The following P2RY6 variants were observed in gnomAD, a reference collection of about 807,000 sequenced individuals.
P2RY6 encodes pyrimidinergic receptor P2Y6.
A neutral mutation model predicts 16.3 loss-of-function variants in P2RY6; 19 were observed. The observed-to-expected ratio is 1.16, with a 90% CI of 0.81 to 1.71. The LOEUF (loss-of-function observed/expected upper bound fraction) is 1.71, where lower values mean the gene tolerates loss of function less well. Among genes scored for constraint, P2RY6 ranks in the 40% most tolerant of loss-of-function variants. The pLI is 0.00. For synonymous variants in P2RY6, 184 were observed against 201.5 expected (o/e 0.91, Z 0.74); for missense variants, 389 against 455.5 (o/e 0.85, Z 1.33).
intron 1 of P2RY6, among the ~76,000 whole-genome samples, chr11:73,288,275 T>G (rs903043593): frequency 6.6e-6 from 1 of 152,220 alleles, no homozygotes; most frequent in South Asian, 2.1e-4. Flanking sequence ...TCTTGGGAGA[T>G]GCAAGTTCCA....
chr11:73,266,933 G>A (rs1203705963), intron 1 of P2RY6, among the ~76,000 whole-genome samples: 3 of 152,156 alleles, frequency 2.0e-5, no homozygotes, highest in Non-Finnish European at 4.4e-5. Flanking sequence ...TGAGTGATAA[G>A]GCCAGCTGTC....
At chr11:73,287,490 G>A (rs958653336) in intron 1 of P2RY6, among the ~76,000 whole-genome samples, 10 of 152,212 alleles carry the variant, frequency 6.6e-5, no homozygotes, top group South Asian at 2.1e-4. Context: ...GGGCAGCGTC[G>A]TCATCATAAG....
intron 1 of P2RY6, among the ~76,000 whole-genome samples, chr11:73,294,951 T>C (rs2135758080): frequency 6.6e-6 from 1 of 152,302 alleles, no homozygotes; most frequent in South Asian, 2.1e-4. Context: ...CCTGAGCATC[T>C]GGATCAGAGT....
At chr11:73,295,304 T>C (rs1464820578) in intron 1 of P2RY6, among the ~76,000 whole-genome samples, 2 of 152,214 alleles carry the variant, frequency 1.3e-5, no homozygotes, top group Non-Finnish European at 2.9e-5. Context: ...CTGAATGTCA[T>C]CACCGCATAT....
At chr11:73,289,226 A>T (rs185419360) in intron 1 of P2RY6, among the ~76,000 whole-genome samples, 1 of 152,190 alleles carries the variant, frequency 6.6e-6, no homozygotes, top group Non-Finnish European at 1.5e-5. Context: ...AACTGACCCC[A>T]TGGTTGTCGC....
chr11:73,293,113 CA>C (rs1864335587), intron 1 of P2RY6, among the ~76,000 whole-genome samples: 1 of 152,124 alleles, frequency 6.6e-6, no homozygotes, highest in Admixed American at 6.5e-5. Flanking sequence ...AAGGAAGAAG[CA>C]AGGTGAGATC....
rs1344230742 is a variant in P2RY6 at position 73,296,592 on chromosome 11, A to G, written c.74A>G (p.Lys25Arg). 1.2e-6 allele frequency: 2 copies of G among 1,614,220 alleles called. No homozygotes were observed. The highest frequency in any genetic ancestry group is 1.7e-6 in the Non-Finnish European group (2 of 1,180,034). ...PTTCVYRENF[K>R]QLLLPPVYSA... is the part of the protein sequence containing the mutation. Reference sequence around the variant, plus strand: ...ACCTGTGTCTACCGCGAGAACTTCAAGCAACTGCTGCTGCCACCTGTGTAT... The same window carrying G: ...ACCTGTGTCTACCGCGAGAACTTCAGGCAACTGCTGCTGCCACCTGTGTAT... The change falls in exon 3 of 3, where the codon AAG becomes AGG. Residue 25 changes from lysine (K) to arginine (R), a missense_variant. Physicochemically the swap from Lys to Arg is conservative, Grantham distance 26. Transcript: ENST00000540124.
chr11:73,266,914 C>G (rs773762242), intron 1 of P2RY6, among the ~76,000 whole-genome samples: 6 of 152,158 alleles, frequency 3.9e-5, no homozygotes, highest in African/African-American at 7.2e-5. Flanking sequence ...TGGCCCAGCC[C>G]TGACTTTCTG....
chr11:73,286,710 A>G (rs1591683076), intron 1 of P2RY6, among the ~76,000 whole-genome samples: 1 of 152,226 alleles, frequency 6.6e-6, no homozygotes, highest in East Asian at 1.9e-4. Context: ...GAGGCTCCAG[A>G]GGCAAAGCAG....
At chr11:73,280,806 A>G (rs1378336864) in intron 1 of P2RY6, among the ~76,000 whole-genome samples, 1 of 152,208 alleles carries the variant, frequency 6.6e-6, no homozygotes, top group Non-Finnish European at 1.5e-5. Flanking sequence ...TGCAAGGGGC[A>G]GGAATGGGAG....
At chr11:73,279,256 C>T (rs1022985484) in intron 1 of P2RY6, among the ~76,000 whole-genome samples, 1 of 152,128 alleles carries the variant, frequency 6.6e-6, no homozygotes, top group African/African-American at 2.4e-5. Context: ...GTTCTTTATA[C>T]ATTCTAGATA....
At chr11:73,284,817 G>A (rs1209657611) in intron 1 of P2RY6, among the ~76,000 whole-genome samples, 1 of 151,852 alleles carries the variant, frequency 6.6e-6, no homozygotes, top group African/African-American at 2.4e-5. Flanking sequence ...AGTACATGCA[G>A]CAGTGAAAAA....
chr11:73,280,460 A>G (rs529389347), intron 1 of P2RY6, among the ~76,000 whole-genome samples: 25 of 152,260 alleles, frequency 1.6e-4, no homozygotes, highest in Non-Finnish European at 3.1e-4. Context: ...CAGGCCTCTC[A>G]CAGACTCTGC....
At chr11:73,277,054 C>A (rs953052550) in intron 1 of P2RY6, among the ~76,000 whole-genome samples, 17 of 151,882 alleles carry the variant, frequency 1.1e-4, no homozygotes, top group African/African-American at 4.1e-4. Flanking sequence ...AGGTCCAGGG[C>A]AAGATTCCTA....
upstream of P2RY6, among the ~76,000 whole-genome samples, chr11:73,267,354 C>T (rs1015346774): frequency 2.6e-5 from 4 of 152,128 alleles, no homozygotes; most frequent in African/African-American, 9.7e-5. Flanking sequence ...CCCAGAGGCC[C>T]CTCCTCATCA....
chr11:73,296,237 T>A (rs58109319), intron 2 of P2RY6, among the ~76,000 whole-genome samples: 12,116 of 97,410 alleles, frequency 0.12, 549 homozygotes, highest in African/African-American at 0.13. Flanking sequence ...AAAAAAAATA[T>A]ATATATATAT....
At chr11:73,270,680 A>T (rs1050438078), upstream of P2RY6, among the ~76,000 whole-genome samples, 4 of 152,308 alleles carry the variant, frequency 2.6e-5, no homozygotes, top group Non-Finnish European at 1.5e-5. Context: ...AGTGGGGCAC[A>T]AGCTCGGGAT....
chr11:73,296,380 T>C (rs1864481628), intron 2 of P2RY6, 105 bp from the exon 3 acceptor site: 1 of 996,612 alleles, frequency 1.0e-6, no homozygotes, highest in Non-Finnish European at 1.5e-6. Flanking sequence ...TTGACAAAGT[T>C]AGTGCCCTCA....
At chr11:73,274,552 A>G (rs565441268) in intron 1 of P2RY6, among the ~76,000 whole-genome samples, 4 of 152,036 alleles carry the variant, frequency 2.6e-5, no homozygotes, top group Admixed American at 6.5e-5. Flanking sequence ...AAAAAAAAAA[A>G]AAAGAAAGAA....
Sources: allele counts gnomAD v4.1 joint callset (sites outside exome capture counted in the v4.1 genomes callset), GRCh38; gene constraint gnomAD v4.1.1; transcripts MANE v1.5; gene names NCBI Gene and HGNC (gene_info 2026-07-23, HGNC 2026-07-21).